Variants in URI1 observed in about 807,000 individuals in gnomAD.
The protein encoded by URI1 is URI1 prefoldin like chaperone, also known as unconventional prefoldin RPB5 interactor 1.
URI1 carries 39 observed loss-of-function variants against 60.2 expected under a neutral mutation model. That is an observed-to-expected ratio of 0.65 (90% CI 0.50 to 0.85). URI1 has a LOEUF of 0.85. URI1 is among the 40% of genes least tolerant of loss of function. The pLI is 0.00. For missense variants in URI1, 691 were observed against 665.9 expected, an observed-to-expected ratio of 1.04 and a Z score of -0.42; for synonymous variants, 251 against 236.8, an observed-to-expected ratio of 1.06 and a Z score of -0.55.
intron 4 of URI1, among the ~76,000 whole-genome samples, chr19:30,004,025 G>T (rs1400281593): frequency 5.3e-5 from 8 of 152,002 alleles, no homozygotes; most frequent in Admixed American, 5.2e-4. Flanking sequence ...CTGTCAAACA[G>T]CTCCTTGAGT....
At chr19:29,955,305 G>A (rs1321550542) in intron 1 of URI1, among the ~76,000 whole-genome samples, 2 of 151,942 alleles carry the variant, frequency 1.3e-5, no homozygotes, top group Non-Finnish European at 2.9e-5. Flanking sequence ...TTATGTCTGT[G>A]TCATCAGATA....
chr19:29,933,837 T>A (rs889562975), intron 1 of URI1, among the ~76,000 whole-genome samples: 1 of 146,676 alleles, frequency 6.8e-6, no homozygotes, highest in African/African-American at 2.5e-5. Context: ...AAAAAAAAAA[T>A]CAACTTTTAT....
chr19:29,949,219 C>T (rs2055144429), intron 1 of URI1, among the ~76,000 whole-genome samples: 1 of 150,306 alleles, frequency 6.7e-6, no homozygotes, highest in Non-Finnish European at 1.5e-5. Context: ...CGGAGGGGCT[C>T]CTCACTTTTC....
Position 30,011,206 on chromosome 19 carries a change from C to T in URI1, c.1148C>T (p.Pro383Leu), listed in dbSNP as rs367598872. The T allele has an allele frequency of 9.9e-6, 16 of 1,609,824 alleles. No individual in the cohort carries two copies. In the East Asian group the frequency reaches 1.8e-4, roughly 18 times the overall value. ...TGSGHSAQEL[P>L]TIRTPADIYR... ...AGTGGCCACTCTGCCCAGGAGCTGC[C>T]GACCATCAGGACGCCTGCAGACATT... Residue 383 changes from proline (P) to leucine (L), a missense_variant, in exon 9 of 11, where the codon CCG (proline) becomes CTG (leucine). Transcript: ENST00000392271.
intron 1 of URI1, among the ~76,000 whole-genome samples, chr19:29,954,495 T>G (rs180696531): frequency 2.2e-4 from 33 of 149,932 alleles, no homozygotes; most frequent in African/African-American, 7.3e-4. Flanking sequence ...TGCTCTTACT[T>G]ACCCCTACAG....
At chr19:30,011,355 T>G in intron 9 of URI1, 119 bp downstream of exon 9, 1 of 1,320,800 alleles carries the variant, frequency 7.6e-7, no homozygotes, top group Non-Finnish European at 1.0e-6. Flanking sequence ...AGTGAAGTGT[T>G]CTGAGGAGTT....
intron 4 of URI1, among the ~76,000 whole-genome samples, chr19:30,005,102 CT>C (rs2055923565): frequency 1.3e-5 from 2 of 152,068 alleles, no homozygotes; most frequent in Middle Eastern, 3.4e-3. Context: ...CAGGCAGCAT[CT>C]ACAATCTAGT....
intron 1 of URI1, among the ~76,000 whole-genome samples, chr19:29,948,274 C>T (rs558471727): frequency 1.2e-4 from 18 of 152,212 alleles, no homozygotes; most frequent in Non-Finnish European, 2.2e-4. Context: ...CTTTTTCTTG[C>T]TTTTGATACT....
chr19:29,973,269 A>G (rs1482378573), intron 2 of URI1, among the ~76,000 whole-genome samples: 1 of 152,198 alleles, frequency 6.6e-6, no homozygotes, highest in Admixed American at 6.5e-5. Context: ...ATAGCCAGAC[A>G]TATAACAGGG....
chr19:30,011,651 T>C (rs1478962240), intron 9 of URI1, among the ~76,000 whole-genome samples: 1 of 151,730 alleles, frequency 6.6e-6, no homozygotes, highest in Non-Finnish European at 1.5e-5. Flanking sequence ...TTTGGAATTG[T>C]TTGTTGAGAA....
chr19:29,949,503 G>T (rs929674869), intron 1 of URI1, among the ~76,000 whole-genome samples: 45 of 137,148 alleles, frequency 3.3e-4, no homozygotes, highest in Non-Finnish European at 5.0e-4. Flanking sequence ...CTTCCCAGAC[G>T]GGGTGGTGGC....
intron 1 of URI1, among the ~76,000 whole-genome samples, chr19:29,927,391 G>A (rs1568399423): frequency 6.6e-6 from 1 of 150,998 alleles, no homozygotes; most frequent in African/African-American, 2.4e-5. Context: ...AGCCTCCTGA[G>A]TAGCTGGGAT....
At chr19:29,945,114 G>C (rs532554770) in intron 1 of URI1, among the ~76,000 whole-genome samples, 5 of 152,196 alleles carry the variant, frequency 3.3e-5, no homozygotes, top group Non-Finnish European at 7.3e-5. Flanking sequence ...GGTTTTGTGA[G>C]ACAGAGTTAA....
intron 1 of URI1, among the ~76,000 whole-genome samples, chr19:29,966,984 C>G (rs927224361): frequency 2.6e-5 from 4 of 152,156 alleles, no homozygotes; most frequent in Non-Finnish European, 5.9e-5. Context: ...GCTTTCTGTT[C>G]CAGTCTAGTT....
intron 1 of URI1, among the ~76,000 whole-genome samples, chr19:29,966,256 A>G (rs335004): frequency 9.9e-4 from 151 of 152,116 alleles, no homozygotes; most frequent in African/African-American, 3.3e-3. Context: ...AAGCAATTCA[A>G]GCTACCTGAG....
chr19:29,970,907 A>T (rs541790620), intron 1 of URI1, among the ~76,000 whole-genome samples: 17 of 152,126 alleles, frequency 1.1e-4, no homozygotes, highest in Non-Finnish European at 1.9e-4. Flanking sequence ...AATACTAGTT[A>T]TCTTATATCA....
rs182695668 is a variant in URI1 at position 30,016,427 on chromosome 19, C to T, written c.*1358C>T. 4.6e-5 allele frequency: 7 copies of T among 152,234 alleles called. No individual in the cohort carries two copies. The highest frequency in any genetic ancestry group is 3.9e-4 in the Admixed American group (6 of 15,280). The allele number at this position is 152,234 out of a possible 1,614,324, so 9.4% of individuals were successfully genotyped here. Reference sequence around the variant, plus strand: ...AAATCTTTCAGTCCATGCCCCAACCCTCACCAAAACCAAAGCAGAAATTAC... The same window carrying T: ...AAATCTTTCAGTCCATGCCCCAACCTTCACCAAAACCAAAGCAGAAATTAC... On this transcript the variant is annotated 3_prime_UTR_variant, in exon 11 of 11. Coordinates refer to ENST00000392271, the MANE Select transcript of URI1 (RefSeq NM_003796.3).
chr19:29,940,354 A>G (rs2055011109), upstream of URI1, among the ~76,000 whole-genome samples: 1 of 152,130 alleles, frequency 6.6e-6, no homozygotes, highest in Non-Finnish European at 1.5e-5. Context: ...AAGAATGAGG[A>G]AGAACCTTCT....
chr19:29,985,593 GT>G (rs1035498519), intron 3 of URI1, among the ~76,000 whole-genome samples: 105 of 152,192 alleles, frequency 6.9e-4, no homozygotes, highest in African/African-American at 2.3e-3. Flanking sequence ...CAGAAATATG[GT>G]ACTAAGTCGT....
Sources: allele counts gnomAD v4.1 joint callset (sites outside exome capture counted in the v4.1 genomes callset), GRCh38; gene constraint gnomAD v4.1.1; transcripts MANE v1.5; gene names NCBI Gene and HGNC (gene_info 2026-07-23, HGNC 2026-07-21).